SAMMSON: variants seen among roughly 807,000 people sequenced by gnomAD.
SAMMSON encodes survival associated mitochondrial melanoma specific oncogenic non-coding RNA.
intron 4 of SAMMSON, among the ~76,000 whole-genome samples, chr3:70,073,928 A>G (rs1347020370): frequency 6.6e-6 from 1 of 152,034 alleles, no homozygotes; most frequent in Non-Finnish European, 1.5e-5. Context: ...ATTTATAGGA[A>G]TTTTAGATGT....
intron 4 of SAMMSON, among the ~76,000 whole-genome samples, chr3:70,191,022 G>A (rs2106711687): frequency 6.6e-6 from 1 of 152,332 alleles, no homozygotes; most frequent in East Asian, 1.9e-4. Context: ...GCTTTCTGCA[G>A]TCTCAACTTT....
intron 4 of SAMMSON, among the ~76,000 whole-genome samples, chr3:70,156,010 C>G (rs947992453): frequency 2.0e-5 from 3 of 152,006 alleles, no homozygotes; most frequent in Admixed American, 2.0e-4. Context: ...ACACTGACTG[C>G]AGAGTTCAAG....
downstream of SAMMSON, among the ~76,000 whole-genome samples, chr3:70,392,878 T>G (rs1353844004): frequency 2.0e-5 from 3 of 151,976 alleles, no homozygotes; most frequent in Non-Finnish European, 4.4e-5. Context: ...CAAGGAGAGT[T>G]CAACCAGCAG....
intron 7 of SAMMSON, chr3:70,312,459 GAGACCTATTAC>G (rs1559561166): frequency 6.6e-6 from 1 of 152,220 alleles, no homozygotes; most frequent in Admixed American, 6.5e-5. Flanking sequence ...AGGTGTTGAC[GAGACCTATTAC>G]GAACCTTCGG....
chr3:70,268,349 C>A (rs892428909), intron 6 of SAMMSON, among the ~76,000 whole-genome samples: 2 of 152,016 alleles, frequency 1.3e-5, no homozygotes, highest in Admixed American at 1.3e-4. Context: ...GTTGTGTGCA[C>A]CTGTAGTCGT....
rs2066924975 is a variant in SAMMSON at position 70,005,971 on chromosome 3, G to C, written n.22+6104G>C. Among the ~76,000 whole-genome samples, 4 of 152,072 alleles carry C rather than the reference G, an allele frequency of 2.6e-5. No homozygotes were observed. The South Asian group carries it at 6.2e-4, about 24-fold the overall frequency. On this transcript the variant is annotated intron_variant and non_coding_transcript_variant, in intron 1 of 9. Transcript: ENST00000642114. ...AATCAAGAATTCATGTAATGTTTTA[G>C]TTTTTCTTTTGCCTCAGCCCTCCTG...
chr3:70,194,107 C>A (rs573979343), intron 4 of SAMMSON, among the ~76,000 whole-genome samples: 1 of 152,086 alleles, frequency 6.6e-6, no homozygotes, highest in South Asian at 2.1e-4. Flanking sequence ...TTTACAGAAG[C>A]AATGGTTTTA....
chr3:70,287,269 G>A (rs1234881672), intron 6 of SAMMSON, among the ~76,000 whole-genome samples: 19,845 of 129,752 alleles, frequency 0.15, 1,456 homozygotes, highest in African/African-American at 0.2. Flanking sequence ...TAGCATGAAG[G>A]GTTGTTGAAT....
In SAMMSON at chr3:70,213,135, T is replaced by G. The variant is rs540308682; in HGVS notation, n.508-35972T>G. 4.6e-5 allele frequency among the ~76,000 whole-genome samples: 7 copies of G among 152,054 alleles called. 1 individual carries two copies. The South Asian group carries it at 1.5e-3, about 32-fold the overall frequency. ...TCATTCTCTCTCCCTCCTCTGTCTC[T>G]CTTTATTTTGTTTTTCTTTATAGAG... is the stretch of plus-strand genomic sequence containing the variant. On this transcript the variant is annotated intron_variant and non_coding_transcript_variant, in intron 4 of 9. Coordinates refer to ENST00000642114, the Ensembl canonical transcript of SAMMSON.
At chr3:70,415,737 T>A (rs1349915450) in intron 2 of SAMMSON, among the ~76,000 whole-genome samples, 1 of 152,230 alleles carries the variant, frequency 6.6e-6, no homozygotes, top group Non-Finnish European at 1.5e-5. Flanking sequence ...TGCAATCTTT[T>A]GAAGAGTAAC....
At chr3:70,034,222 T>C (rs1195433193) in intron 3 of SAMMSON, among the ~76,000 whole-genome samples, 1 of 152,142 alleles carries the variant, frequency 6.6e-6, no homozygotes. Context: ...AATAATCACC[T>C]ATATTTCCAA....
intron 4 of SAMMSON, among the ~76,000 whole-genome samples, chr3:70,100,409 A>C (rs2067339509): frequency 6.6e-6 from 1 of 152,114 alleles, no homozygotes; most frequent in African/African-American, 2.4e-5. Flanking sequence ...TGGCCTCCCA[A>C]AGTGCTGGGA....
chr3:70,399,334 T>A (rs569454005), intron 2 of SAMMSON, among the ~76,000 whole-genome samples: 4 of 152,234 alleles, frequency 2.6e-5, no homozygotes, highest in South Asian at 2.1e-4. Flanking sequence ...GGGTAGAAAT[T>A]GGGAAGAGGT....
chr3:70,309,644 T>C (rs542350762), intron 7 of SAMMSON, among the ~76,000 whole-genome samples: 2 of 152,264 alleles, frequency 1.3e-5, no homozygotes, highest in African/African-American at 4.8e-5. Context: ...TTTGACTTTT[T>C]TAAATATATG....
chr3:70,363,660 T>C (rs1281276745), intron 9 of SAMMSON, among the ~76,000 whole-genome samples: 3 of 152,058 alleles, frequency 2.0e-5, no homozygotes, highest in Non-Finnish European at 2.9e-5. Flanking sequence ...CTTAGATATT[T>C]GATACAGTAC....
At chr3:70,177,483 C>T (rs1264284012) in intron 4 of SAMMSON, among the ~76,000 whole-genome samples, 2 of 152,130 alleles carry the variant, frequency 1.3e-5, no homozygotes, top group African/African-American at 2.4e-5. Context: ...TCTGGGGTGT[C>T]GTGAGAAGCA....
intron 7 of SAMMSON, among the ~76,000 whole-genome samples, chr3:70,328,593 G>A (rs1309932858): frequency 6.6e-6 from 1 of 151,916 alleles, no homozygotes; most frequent in African/African-American, 2.4e-5. Context: ...GAGTGACCCT[G>A]GAAACCTTGC....
intron 3 of SAMMSON, among the ~76,000 whole-genome samples, chr3:70,047,339 T>G (rs1310905123): frequency 6.6e-6 from 1 of 151,760 alleles, no homozygotes; most frequent in Non-Finnish European, 1.5e-5. Context: ...CTCTCTTTTT[T>G]TTTTTTTGAG....
chr3:70,375,654 A>G (rs1403690205), intron 9 of SAMMSON, among the ~76,000 whole-genome samples: 1 of 152,134 alleles, frequency 6.6e-6, no homozygotes, highest in Non-Finnish European at 1.5e-5. Context: ...TTATTTGCAT[A>G]TGCCAACTTC....
Sources: allele counts gnomAD v4.1 joint callset (sites outside exome capture counted in the v4.1 genomes callset), GRCh38; gene constraint gnomAD v4.1.1; transcripts MANE v1.5; gene names NCBI Gene and HGNC (gene_info 2026-07-23, HGNC 2026-07-21).